Variants in ZNF362 observed in about 807,000 individuals in gnomAD.
ZNF362 encodes rotund homolog.
Under a neutral mutation model 42.9 loss-of-function variants are expected in ZNF362, and 11 were observed. The observed-to-expected ratio is 0.26, with a 90% CI of 0.16 to 0.42. The LOEUF (loss-of-function observed/expected upper bound fraction) is 0.42, where lower values mean the gene tolerates loss of function less well. Ranked by LOEUF, ZNF362 falls within the 20% of genes least tolerant of loss-of-function variation. ZNF362 has a pLI of 1.00. For missense variants in ZNF362, 362 were observed against 576.2 expected (o/e 0.63, Z 3.81); for synonymous variants, 255 against 257.3 (o/e 0.99, Z 0.09).
chr1:33,291,471 T>G (rs1646077615), intron 6 of ZNF362, among the ~76,000 whole-genome samples: 1 of 152,228 alleles, frequency 6.6e-6, no homozygotes, highest in African/African-American at 2.4e-5. Context: ...ACTGTAGCCT[T>G]GTAGTATAGT....
chr1:33,252,792 T>C (rs1243998776), upstream of ZNF362, among the ~76,000 whole-genome samples: 3 of 152,150 alleles, frequency 2.0e-5, no homozygotes, highest in Non-Finnish European at 4.4e-5. Context: ...TTGATTCTTA[T>C]ACACACAATA....
chr1:33,287,398 A>T (rs1478146849), intron 6 of ZNF362, among the ~76,000 whole-genome samples: 2 of 152,228 alleles, frequency 1.3e-5, no homozygotes, highest in Admixed American at 1.3e-4. Flanking sequence ...AGGTGGGAGG[A>T]TTCCTTGAAC....
chr1:33,246,064 G>A, the ZNF362 span, among the ~76,000 whole-genome samples: 1 of 152,176 alleles, frequency 6.6e-6, no homozygotes, highest in Non-Finnish European at 1.5e-5. Flanking sequence ...AGCCTTAGGA[G>A]GAGGGAGCAT....
chr1:33,262,892 A>G (rs538365015), intron 1 of ZNF362, among the ~76,000 whole-genome samples: 2 of 152,328 alleles, frequency 1.3e-5, no homozygotes, highest in Non-Finnish European at 2.9e-5. Context: ...GTGTGCATGC[A>G]CACACGGTAT....
the ZNF362 span, among the ~76,000 whole-genome samples, chr1:33,135,279 C>A: frequency 9.2e-5 from 14 of 152,074 alleles, no homozygotes; most frequent in African/African-American, 3.1e-4. Flanking sequence ...CAGAGCAAGA[C>A]TCTCTCAAAA....
At chr1:33,239,559 C>T in the ZNF362 span, among the ~76,000 whole-genome samples, 1 of 152,106 alleles carries the variant, frequency 6.6e-6, no homozygotes, top group Non-Finnish European at 1.5e-5. Flanking sequence ...AGGAAACTTA[C>T]AATCATGGCG....
the ZNF362 span, among the ~76,000 whole-genome samples, chr1:33,224,284 A>C: frequency 6.6e-6 from 1 of 152,230 alleles, no homozygotes; most frequent in Non-Finnish European, 1.5e-5. Flanking sequence ...AGAACTAAAA[A>C]GTGTAGCAGT....
At chr1:33,189,643 A>G in the ZNF362 span, among the ~76,000 whole-genome samples, 15 of 15,378 alleles carry the variant, frequency 9.8e-4, no homozygotes, top group East Asian at 0.014. Flanking sequence ...GCATATATAT[A>G]TATATATATA....
the ZNF362 span, chr1:33,195,501 C>T: frequency 6.6e-6 from 1 of 152,164 alleles, no homozygotes; most frequent in Admixed American, 6.5e-5. Flanking sequence ...CTTACACAAA[C>T]CTGGATGTCA....
chr1:33,165,679 A>C, the ZNF362 span: 1 of 829,142 alleles, frequency 1.2e-6, no homozygotes, highest in Non-Finnish European at 1.8e-6. The surrounding 1 kb of genome is among the most constrained non-coding windows in gnomAD (Gnocchi z 4.0). Context: ...CCAACCTCCA[A>C]CACTTGCCTC....
At chr1:33,155,260 C>T in the ZNF362 span, among the ~76,000 whole-genome samples, 5 of 151,732 alleles carry the variant, frequency 3.3e-5, no homozygotes, top group East Asian at 2.0e-4. Context: ...TTAGTAGAGA[C>T]GGGGTTTCAC....
the ZNF362 span, among the ~76,000 whole-genome samples, chr1:33,186,519 G>T: frequency 2.0e-5 from 3 of 151,290 alleles, no homozygotes; most frequent in Non-Finnish European, 1.5e-5. Context: ...ATAAAACAAA[G>T]TTGTGGCTGG....
the ZNF362 span, among the ~76,000 whole-genome samples, chr1:33,193,435 A>G: frequency 2.6e-5 from 4 of 152,172 alleles, no homozygotes; most frequent in Non-Finnish European, 5.9e-5. Context: ...ATAGAAAACA[A>G]CTCCCACTGA....
the ZNF362 span, among the ~76,000 whole-genome samples, chr1:33,242,780 G>A: frequency 6.6e-6 from 1 of 152,170 alleles, no homozygotes; most frequent in African/African-American, 2.4e-5. Flanking sequence ...AGAAACTGAA[G>A]ATATGCTGCA....
chr1:33,234,824 A>G, the ZNF362 span, among the ~76,000 whole-genome samples: 1 of 152,174 alleles, frequency 6.6e-6, no homozygotes, highest in African/African-American at 2.4e-5. Context: ...TCTATGATGC[A>G]GGAAGTGGGA....
intron 1 of ZNF362, among the ~76,000 whole-genome samples, chr1:33,267,734 C>T (rs1645874211): frequency 6.6e-6 from 1 of 152,194 alleles, no homozygotes; most frequent in South Asian, 2.1e-4. Flanking sequence ...GACTATGACA[C>T]CAGGTAACAT....
At chr1:33,176,282 G>T in the ZNF362 span, 1 of 512,600 alleles carries the variant, frequency 2.0e-6, no homozygotes, top group Non-Finnish European at 3.6e-6. Context: ...CCATTTCTCA[G>T]ATTGGGTAAG....
At chr1:33,245,287 T>C in the ZNF362 span, among the ~76,000 whole-genome samples, 1 of 152,182 alleles carries the variant, frequency 6.6e-6, no homozygotes, top group South Asian at 2.1e-4. Context: ...AGATGGATCA[T>C]ATTCTCAGAA....
chr1:33,280,137 C>A lies in ZNF362; in HGVS notation c.363C>A (p.Ser121=). 1 of 1,577,194 alleles carries A rather than the reference C, an allele frequency of 6.3e-7. No homozygotes were observed. The highest frequency in any genetic ancestry group is 8.6e-7 in the Non-Finnish European group (1 of 1,156,456). The part of the protein sequence containing the change: ...ATSTVTGLGL[S]TRTPSVSTSE... ...CTGTCTTCGCAGGTCTGGGGCTGTC[C>A]ACCCGGACCCCGTCTGTGAGCACTT... Residue 121 remains serine (S), a synonymous_variant, in exon 5 of 9, where the codon TCC becomes TCA. Coordinates refer to ENST00000539719, the MANE Select transcript of ZNF362 (RefSeq NM_152493.3). The surrounding 1 kb of genome is among the most constrained non-coding windows in gnomAD (Gnocchi z 5.6).
Sources: gnomAD v4.1 joint callset for allele counts (sites outside exome capture counted in the v4.1 genomes callset) on GRCh38, gnomAD v4.1.1 for gene constraint, Gnocchi (gnomAD v3.1) non-coding constraint, MANE v1.5 for transcripts, NCBI Gene and HGNC (gene_info 2026-07-23, HGNC 2026-07-21) for gene names.